Variants in SCUBE3 observed in about 807,000 individuals in gnomAD.
SCUBE3 encodes the protein signal peptide, CUB domain and EGF like domain containing 3.
In SCUBE3, 33 loss-of-function variants were observed where a neutral mutation model predicts 116.8. The ratio of observed to expected loss-of-function variants is 0.28; its 90% CI spans 0.21 to 0.38. The LOEUF (loss-of-function observed/expected upper bound fraction) is 0.38. Ranked by LOEUF, SCUBE3 falls within the 10% of genes least tolerant of loss-of-function variation. The pLI is 1.00. For synonymous variants in SCUBE3, 418 were observed against 496.9 expected (o/e 0.84, Z 2.11); for missense variants, 1,007 against 1,324.8 (o/e 0.76, Z 3.72).
At position 35,250,406 on chromosome 6, in the gene SCUBE3, C is replaced by T. The variant is rs756276323; in HGVS notation, c.*1701C>T. The T allele has an allele frequency of 1.2e-4, 19 of 152,184 alleles. No homozygotes were observed. Among genetic ancestry groups the T allele is most frequent in the African/African-American group, 3.4e-4 (14 of 41,432 alleles). 9.4% of individuals were successfully genotyped at this position (152,184 alleles called of 1,614,324 possible). ...ACCTGGGGATGGGCTGACTCAGGGT[C>T]CCGAGGCCAGAGACAAAGCTGTGGG... On this transcript the variant is annotated 3_prime_UTR_variant, in exon 22 of 22. Transcript: ENST00000274938.
Position 35,250,246 on chromosome 6 carries a change from T to G in SCUBE3, c.*1541T>G, listed in dbSNP as rs1176998107. ...TCCCTATGCCTCTCCATGGAGTCAG[T>G]GTGGACCTCATGATTATAGAGGCCA... On this transcript the variant is annotated 3_prime_UTR_variant, in exon 22 of 22. Transcript: ENST00000274938. 2.0e-5 allele frequency: 3 copies of G among 152,304 alleles called. No homozygotes were observed. Among genetic ancestry groups the G allele is most frequent in the African/African-American group, 7.2e-5 (3 of 41,428 alleles). The allele number at this position is 152,304 out of a possible 1,614,324, so 9.4% of individuals were successfully genotyped here.
intron 1 of SCUBE3, among the ~76,000 whole-genome samples, chr6:35,226,886 G>C (rs1783352337): frequency 6.6e-6 from 1 of 152,178 alleles, no homozygotes; most frequent in African/African-American, 2.4e-5. Context: ...AGGGCCAGGA[G>C]ACAGAGGGCT....
At chr6:35,227,299 T>C (rs1783368725) in intron 1 of SCUBE3, among the ~76,000 whole-genome samples, 1 of 152,210 alleles carries the variant, frequency 6.6e-6, no homozygotes, top group Non-Finnish European at 1.5e-5. Context: ...TAAGGGTTTT[T>C]TGTTTGTTTT....
At position 35,244,196 on chromosome 6, in the gene SCUBE3, T is replaced by C; in HGVS notation, c.2239+66T>C. ...CAACTACTCCCAAAAAACTCTCCAA[T>C]TTCCCAGAGGGGACACTGACCCACC... is the stretch of plus-strand genomic sequence containing the variant. On this transcript the variant is annotated intron_variant, in intron 17 of 21. Transcript: ENST00000274938. This position sits in a 1 kb window ranked among gnomAD's most constrained non-coding sequence, Gnocchi z 4.3. 1 of 1,420,254 alleles carries C rather than the reference T, an allele frequency of 7.0e-7. No individual in the cohort carries two copies. Among genetic ancestry groups the C allele is most frequent in the Non-Finnish European group, 9.7e-7 (1 of 1,033,680 alleles). The allele number at this position is 1,420,254 out of a possible 1,614,324, so 88.0% of individuals were successfully genotyped here. A position where few individuals can be genotyped will look rare whatever the true frequency, so the allele number is the denominator to read the frequency against.
intron 1 of SCUBE3, among the ~76,000 whole-genome samples, chr6:35,217,342 T>C (rs1782962405): frequency 6.8e-6 from 1 of 146,160 alleles, no homozygotes; most frequent in Non-Finnish European, 1.5e-5. Context: ...TCTCTCGGCC[T>C]CCAGGGAAAC....
At position 35,214,704 on chromosome 6, in the gene SCUBE3, C is replaced by G. The variant is rs1265047945; in HGVS notation, c.85+201C>G. 6.6e-6 allele frequency among the ~76,000 whole-genome samples: 1 copy of G among 152,208 alleles called. No homozygotes were observed. Among genetic ancestry groups the G allele is most frequent in the Non-Finnish European group, 1.5e-5 (1 of 68,038 alleles). On this transcript the variant is annotated intron_variant, in intron 1 of 21. Transcript: ENST00000274938. This position sits in a 1 kb window ranked among gnomAD's most constrained non-coding sequence, Gnocchi z 6.3. ...GAAAAGCCGGACAAGCTGGGGGCGG[C>G]AGAGAGGAGTGAGAAACTCTTGGGG...
rs139323019 is a variant in SCUBE3 at position 35,244,727 on chromosome 6, G to A, written c.2317G>A (p.Asp773Asn). The A allele has an allele frequency of 4.5e-4, 726 of 1,614,160 alleles. 1 individual carries two copies. The African/African-American group carries it at 7.2e-3, about 16-fold the overall frequency. The change falls in exon 18 of 22, where the codon GAC becomes AAC. Residue 773 changes from aspartate to asparagine, a missense_variant. This residue lies in a region of SCUBE3 where 544 missense variants were observed against 638.9 expected (regional missense o/e 0.85). Transcript: ENST00000274938. This position sits in a 1 kb window ranked among gnomAD's most constrained non-coding sequence, Gnocchi z 4.3. ...CTGTGCCATGGGCTCCTATCAGCCCGACTTCCGTCAGAACTTCTGCAGCCG... is the reference window on the plus strand; with the variant it reads ...CTGTGCCATGGGCTCCTATCAGCCCAACTTCCGTCAGAACTTCTGCAGCCG... ...IRCAMGSYQP[D>N]FRQNFCSRCP...
intron 6 of SCUBE3, among the ~76,000 whole-genome samples, chr6:35,234,292 G>A (rs1783670844): frequency 2.0e-5 from 3 of 152,192 alleles, no homozygotes; most frequent in Admixed American, 6.5e-5. Flanking sequence ...GTGGCATGCT[G>A]AGGATGGGGG....
chr6:35,217,490 G>C (rs1035541349), intron 1 of SCUBE3, among the ~76,000 whole-genome samples: 1 of 151,498 alleles, frequency 6.6e-6, no homozygotes, highest in Non-Finnish European at 1.5e-5. Flanking sequence ...GGGACTGAGA[G>C]CGTTCATGTG....
chr6:35,242,219 C>T lies in SCUBE3; in HGVS notation c.1433C>T (p.Ser478Phe). 1 of 1,613,108 alleles carries T rather than the reference C, an allele frequency of 6.2e-7. No homozygotes were observed. Among genetic ancestry groups the T allele is most frequent in the Non-Finnish European group, 8.5e-7 (1 of 1,179,102 alleles). The change falls in exon 13 of 22, where the codon TCC (serine) becomes TTC (phenylalanine). Residue 478 changes from serine (S) to phenylalanine (F), a missense_variant. Transcript: ENST00000274938. ...ATCCCTCTAGAGGCTGCAGTGCTGT[C>T]CATTAAACAACGGGCCTCCTTCAAG... ...SNHCHEAAVLSIKQRASFKIK... is the reference protein window; with the variant it reads ...SNHCHEAAVLFIKQRASFKIK...
chr6:35,230,464 A>G (rs1437445317), intron 3 of SCUBE3, among the ~76,000 whole-genome samples: 2 of 152,214 alleles, frequency 1.3e-5, no homozygotes, highest in Non-Finnish European at 2.9e-5. Context: ...ATTTTGAGAA[A>G]GTTGTCCATG....
rs748756321 is a variant in SCUBE3 at position 35,243,741 on chromosome 6, TCAC to T, written c.2061_2063del (p.Thr688del). ...CACGGGCCTCTTGGAGCCACCAACG[TCAC>T]CACGTGTGCAGGTGCCAGGGGAACA... On this transcript the variant is annotated inframe_deletion, in exon 16 of 22. Transcript: ENST00000274938. The surrounding 1 kb of genome is among the most constrained non-coding windows in gnomAD (Gnocchi z 6.6). 51 of 1,613,822 alleles carry T rather than the reference TCAC, an allele frequency of 3.2e-5. 1 individual carries two copies. In the South Asian group the frequency reaches 5.3e-4, roughly 17 times the overall value.
chr6:35,243,905 C>T lies in SCUBE3; in HGVS notation c.2072-58C>T, dbSNP rs1784209031. The T allele has an allele frequency of 1.3e-6, 2 of 1,567,466 alleles. No homozygotes were observed. Among genetic ancestry groups the T allele is most frequent in the African/African-American group, 1.3e-5 (1 of 74,170 alleles). ...ACCTTTGTCCCCTGAGATCGGGTGA[C>T]CCCATGGGGATGACTCAGGACCATC... On this transcript the variant is annotated intron_variant, in intron 16 of 21. Coordinates refer to ENST00000274938, the MANE Select transcript of SCUBE3 (RefSeq NM_152753.4). The surrounding 1 kb of genome is among the most constrained non-coding windows in gnomAD (Gnocchi z 6.6).
intron 2 of SCUBE3, 67 bp downstream of exon 2, chr6:35,227,769 C>T (rs1783387322): frequency 1.5e-5 from 23 of 1,534,618 alleles, no homozygotes; most frequent in Non-Finnish European, 2.1e-5. Flanking sequence ...CCACTGCCCT[C>T]AGTTGGCCAC....
chr6:35,218,150 T>C, intron 1 of SCUBE3: 7 of 985,024 alleles, frequency 7.1e-6, no homozygotes, highest in Non-Finnish European at 8.4e-6. Context: ...GAGAACCGGT[T>C]TGAGATGTGA....
chr6:35,234,204 C>T (rs1482167248), intron 6 of SCUBE3, among the ~76,000 whole-genome samples: 1 of 152,154 alleles, frequency 6.6e-6, no homozygotes, highest in Non-Finnish European at 1.5e-5. Flanking sequence ...GAGAGAGAGG[C>T]TGTGTCTTTA....
In SCUBE3 at chr6:35,240,597, G is replaced by A. The variant is rs1783994926; in HGVS notation, c.1069+107G>A. On this transcript the variant is annotated intron_variant, in intron 9 of 21. Transcript: ENST00000274938. The surrounding 1 kb of genome is among the most constrained non-coding windows in gnomAD (Gnocchi z 4.6). ...TTGTGGCTATGGGCAATCCCTGGAT[G>A]CATGCACCATGTCTGCATCCGCTGT... 2 of 585,312 alleles carry A rather than the reference G, an allele frequency of 3.4e-6. No homozygotes were observed. Among genetic ancestry groups the A allele is most frequent in the South Asian group, 4.8e-5 (2 of 41,644 alleles). 36.3% of individuals were successfully genotyped at this position (585,312 alleles called of 1,614,324 possible).
At chr6:35,217,835 C>T (rs920641833) in intron 1 of SCUBE3, among the ~76,000 whole-genome samples, 1 of 152,176 alleles carries the variant, frequency 6.6e-6, no homozygotes, top group African/African-American at 2.4e-5. Context: ...TCTAAGCCCA[C>T]CCCCATTTTT....
chr6:35,226,193 G>T (rs1232402252), intron 1 of SCUBE3, among the ~76,000 whole-genome samples: 1 of 152,192 alleles, frequency 6.6e-6, no homozygotes, highest in Admixed American at 6.5e-5. Context: ...AATCTCTGGG[G>T]TTGTGGCTTG....
Sources: gnomAD v4.1 joint callset for allele counts (sites outside exome capture counted in the v4.1 genomes callset) on GRCh38, gnomAD v4.1.1 for gene constraint, gnomAD v4.1.1 regional missense constraint, Gnocchi (gnomAD v3.1) non-coding constraint, MANE v1.5 for transcripts, NCBI Gene and HGNC (gene_info 2026-07-23, HGNC 2026-07-21) for gene names.